LRRTM4: variants seen among roughly 807,000 people sequenced by gnomAD.
The protein encoded by LRRTM4 is leucine rich repeat transmembrane neuronal 4.
LRRTM4 carries 25 observed loss-of-function variants against 47.6 expected under a neutral mutation model. That is an observed-to-expected ratio of 0.53 (90% CI 0.38 to 0.73). The LOEUF (loss-of-function observed/expected upper bound fraction) is 0.73. Among genes scored for constraint, LRRTM4 ranks in the 30% least tolerant of loss-of-function variants. The pLI is 0.00. For synonymous variants in LRRTM4, 311 were observed against 269.5 expected (o/e 1.15, Z -1.51); for missense variants, 638 against 713.4 (o/e 0.89, Z 1.20).
In LRRTM4 at chr2:77,241,458, G is replaced by T. The variant is rs142484983; in HGVS notation, c.1551+276860C>A. Among the ~76,000 whole-genome samples the T allele has an allele frequency of 5.3e-3, 802 of 151,730 alleles. 10 individuals carry two copies. Among genetic ancestry groups the T allele is most frequent in the African/African-American group, 0.019 (772 of 41,398 alleles). The stretch of plus-strand genomic sequence containing the variant: ...GCATAACTGACTATCATAACAAGGG[G>T]GTAAAAATGCAATATGATTTCTACT... On this transcript the variant is annotated intron_variant, in intron 3 of 3. Transcript: ENST00000409884.
chr2:76,753,746 A>T (rs185976898), intron 3 of LRRTM4, among the ~76,000 whole-genome samples: 1 of 152,292 alleles, frequency 6.6e-6, no homozygotes, highest in East Asian at 1.9e-4. Context: ...CCATAATTAT[A>T]TTTAAAGTGA....
intron 3 of LRRTM4, among the ~76,000 whole-genome samples, chr2:76,787,824 T>C (rs78186144): frequency 0.018 from 2,665 of 152,240 alleles, 77 homozygotes; most frequent in African/African-American, 0.058. Context: ...AAAGCCAGTT[T>C]CTGTCAGTTC....
intron 3 of LRRTM4, among the ~76,000 whole-genome samples, chr2:77,090,889 G>C (rs186187821): frequency 6.6e-6 from 1 of 152,082 alleles, no homozygotes; most frequent in Non-Finnish European, 1.5e-5. Flanking sequence ...CATCACGGAC[G>C]CCGAGCTTCA....
At chr2:77,235,235 T>A (rs1307036341) in intron 3 of LRRTM4, among the ~76,000 whole-genome samples, 1 of 152,080 alleles carries the variant, frequency 6.6e-6, no homozygotes, top group East Asian at 1.9e-4. Flanking sequence ...ATAATACCCA[T>A]TCTGACTGGT....
chr2:77,130,606 G>A (rs889767201), intron 3 of LRRTM4, among the ~76,000 whole-genome samples: 11 of 151,214 alleles, frequency 7.3e-5, no homozygotes, highest in Non-Finnish European at 1.5e-4. Flanking sequence ...CCGCCTCCCG[G>A]GTTCACACCA....
intron 3 of LRRTM4, among the ~76,000 whole-genome samples, chr2:77,012,959 A>G (rs1408294895): frequency 6.6e-6 from 1 of 152,242 alleles, no homozygotes; most frequent in East Asian, 1.9e-4. Flanking sequence ...CCTACCAAGG[A>G]AAATACAGAT....
At chr2:77,436,797 G>C (rs1368639889) in intron 3 of LRRTM4, among the ~76,000 whole-genome samples, 2 of 151,798 alleles carry the variant, frequency 1.3e-5, no homozygotes, top group Admixed American at 6.6e-5. Context: ...AAAACTAAAA[G>C]GCAATGTTTT....
chr2:77,444,588 T>C (rs1675975306), intron 3 of LRRTM4, among the ~76,000 whole-genome samples: 1 of 152,004 alleles, frequency 6.6e-6, no homozygotes, highest in African/African-American at 2.4e-5. Context: ...TTTCACTTCA[T>C]GCACTAATCA....
At chr2:77,497,902 A>G (rs1354455598) in intron 3 of LRRTM4, among the ~76,000 whole-genome samples, 1 of 151,674 alleles carries the variant, frequency 6.6e-6, no homozygotes, top group Non-Finnish European at 1.5e-5. Flanking sequence ...GTGTCAGACT[A>G]TGTAATGTCC....
chr2:77,456,440 T>G (rs1676544931), intron 3 of LRRTM4, among the ~76,000 whole-genome samples: 1 of 152,168 alleles, frequency 6.6e-6, no homozygotes, highest in African/African-American at 2.4e-5. Flanking sequence ...GGCTTACAAC[T>G]AAAGCCTCCC....
At chr2:76,971,482 C>A (rs1165428867) in intron 3 of LRRTM4, among the ~76,000 whole-genome samples, 1 of 152,030 alleles carries the variant, frequency 6.6e-6, no homozygotes, top group Non-Finnish European at 1.5e-5. Context: ...ATCAGGGAAC[C>A]TGGGAGAGAT....
In LRRTM4 at chr2:77,426,559, G is replaced by C. The variant is rs181422631; in HGVS notation, c.1551+91759C>G. On this transcript the variant is annotated intron_variant, in intron 3 of 3. Coordinates refer to ENST00000409884, the MANE Select transcript of LRRTM4 (RefSeq NM_001134745.3). ...TTCCCATAATTTTCACATGCCCTGG[G>C]AGGCACCCAGTGGGAAGTAATTGAT... 2.6e-5 allele frequency among the ~76,000 whole-genome samples: 4 copies of C among 152,080 alleles called. No homozygotes were observed. The South Asian group carries it at 8.3e-4, about 32-fold the overall frequency.
intron 3 of LRRTM4, among the ~76,000 whole-genome samples, chr2:77,314,925 T>G (rs1677575084): frequency 6.6e-6 from 1 of 152,188 alleles, no homozygotes; most frequent in Non-Finnish European, 1.5e-5. Flanking sequence ...ACACTCGATC[T>G]CTGCAGCGTA....
chr2:76,908,471 T>C (rs1232145731), intron 3 of LRRTM4, among the ~76,000 whole-genome samples: 1 of 151,136 alleles, frequency 6.6e-6, no homozygotes, highest in Non-Finnish European at 1.5e-5. Flanking sequence ...CTATTCAACA[T>C]AGTGTTGGAA....
At chr2:77,365,968 A>T (rs1299782326) in intron 3 of LRRTM4, among the ~76,000 whole-genome samples, 1 of 149,908 alleles carries the variant, frequency 6.7e-6, no homozygotes, top group East Asian at 1.9e-4. Flanking sequence ...AATCTAAATA[A>T]TTAATTTCTA....
intron 3 of LRRTM4, among the ~76,000 whole-genome samples, chr2:77,080,998 G>C (rs1680511457): frequency 6.6e-6 from 1 of 152,146 alleles, no homozygotes; most frequent in Non-Finnish European, 1.5e-5. Flanking sequence ...CTATGTACTA[G>C]GTAACTGCCT....
intron 3 of LRRTM4, among the ~76,000 whole-genome samples, chr2:77,035,628 A>T (rs1260086401): frequency 1.3e-5 from 2 of 151,936 alleles, no homozygotes; most frequent in Admixed American, 6.6e-5. Context: ...TATAAATATC[A>T]AATTATACAA....
chr2:77,294,279 CTG>C (rs1676909964), intron 3 of LRRTM4, among the ~76,000 whole-genome samples: 1 of 144,452 alleles, frequency 6.9e-6, no homozygotes, highest in South Asian at 2.1e-4. Flanking sequence ...GAAAATGACT[CTG>C]GAACATTGAT....
At chr2:77,202,311 A>C (rs1440420898) in intron 3 of LRRTM4, among the ~76,000 whole-genome samples, 1 of 152,184 alleles carries the variant, frequency 6.6e-6, no homozygotes. Flanking sequence ...TAGCTGAAAT[A>C]GGAAAAAACC....
Sources: allele counts gnomAD v4.1 joint callset (sites outside exome capture counted in the v4.1 genomes callset), GRCh38; gene constraint gnomAD v4.1.1; transcripts MANE v1.5; gene names NCBI Gene and HGNC (gene_info 2026-07-23, HGNC 2026-07-21).